PLCG2: variants seen among roughly 807,000 people sequenced by gnomAD.
PLCG2 encodes the protein 1-phosphatidylinositol 4,5-bisphosphate phosphodiesterase gamma-2.
Under a neutral mutation model 175.6 loss-of-function variants are expected in PLCG2, and 69 were observed. That is an observed-to-expected ratio of 0.39 (90% CI 0.32 to 0.48). The LOEUF (loss-of-function observed/expected upper bound fraction) is 0.48. Among genes scored for constraint, PLCG2 ranks in the 20% least tolerant of loss-of-function variants. PLCG2 has a pLI of 0.91. For missense variants in PLCG2, 1,798 were observed against 1,650.9 expected, an observed-to-expected ratio of 1.09 and a Z score of -1.54; for synonymous variants, 827 against 624.0, an observed-to-expected ratio of 1.33 and a Z score of -4.85.
At chr16:81,893,539 G>T (rs1022161577) in intron 11 of PLCG2, among the ~76,000 whole-genome samples, 170 bp from the exon 12 acceptor site, 2 of 152,238 alleles carry the variant, frequency 1.3e-5, no homozygotes, top group African/African-American at 4.8e-5. Flanking sequence ...GTGACCGTGG[G>T]ATTGTGTATT....
intron 14 of PLCG2, among the ~76,000 whole-genome samples, chr16:81,901,214 C>T (rs1909137490): frequency 6.6e-6 from 1 of 150,668 alleles, no homozygotes; most frequent in Non-Finnish European, 1.5e-5. Context: ...GTGATTGCAG[C>T]TTCCAGTTGT....
intron 2 of PLCG2, among the ~76,000 whole-genome samples, chr16:81,811,347 G>C (rs1243048748): frequency 6.6e-6 from 1 of 152,150 alleles, no homozygotes; most frequent in Non-Finnish European, 1.5e-5. Flanking sequence ...CAGTATCATC[G>C]ATAAGGGATG....
chr16:81,957,032 C>T lies in PLCG2; in HGVS notation c.3755+153C>T, dbSNP rs560797209. Among the ~76,000 whole-genome samples the T allele has an allele frequency of 2.6e-4, 40 of 152,140 alleles. No individual in the cohort carries two copies. The East Asian group carries it at 6.9e-3, about 26-fold the overall frequency. On this transcript the variant is annotated intron_variant, in intron 32 of 32. Transcript: ENST00000564138. ...GTGGCTCACAGGCCAGGCATGGTGG[C>T]TCATGCCTGTAATCCCAGCACTTTG... is the stretch of plus-strand genomic sequence containing the variant.
chr16:81,859,788 G>A lies in PLCG2; in HGVS notation c.479+625G>A, dbSNP rs774882918. On this transcript the variant is annotated intron_variant, in intron 5 of 32. Coordinates refer to ENST00000564138, the MANE Select transcript of PLCG2 (RefSeq NM_002661.5). The stretch of plus-strand genomic sequence containing the variant: ...CCTGACCTTGTGATCCGCCCACCTT[G>A]GCCTCCCAAAGTCCTGGGATTACAG... Among the ~76,000 whole-genome samples, 6 of 152,192 alleles carry A rather than the reference G, an allele frequency of 3.9e-5. No homozygotes were observed. The East Asian group carries it at 9.6e-4, about 24-fold the overall frequency.
At position 81,877,517 on chromosome 16, in the gene PLCG2, A is replaced by G. The variant is rs116859630; in HGVS notation, c.649-3393A>G. Among the ~76,000 whole-genome samples, 309 of 152,394 alleles carry G rather than the reference A, an allele frequency of 2.0e-3. 1 individual carries two copies. The highest frequency in any genetic ancestry group is 0.015 in the East Asian group (80 of 5,188). On this transcript the variant is annotated intron_variant, in intron 7 of 32. Transcript: ENST00000564138. ...TCACTGTACTGGAGGTTAAAAGTCC[A>G]AAATCCAGGTGTTGGCAGGGCCACA...
intron 2 of PLCG2, among the ~76,000 whole-genome samples, chr16:81,848,324 G>A (rs1207043425): frequency 6.6e-6 from 1 of 152,226 alleles, no homozygotes; most frequent in Non-Finnish European, 1.5e-5. Flanking sequence ...CCTGGTTGAT[G>A]AAGGCAGATG....
intron 10 of PLCG2, 64 bp downstream of exon 10, chr16:81,889,337 G>C (rs1175689935): frequency 1.0e-5 from 9 of 867,998 alleles, no homozygotes; most frequent in Non-Finnish European, 1.7e-5. Flanking sequence ...TGCTTTCTGA[G>C]GTTTATTTTC....
At chr16:81,927,464 T>C (rs1910323898) in intron 23 of PLCG2, among the ~76,000 whole-genome samples, 1 of 152,202 alleles carries the variant, frequency 6.6e-6, no homozygotes, top group African/African-American at 2.4e-5. Context: ...AATGGGGAAT[T>C]TGTCCTTTGC....
intron 31 of PLCG2, 39 bp downstream of exon 31, chr16:81,946,302 T>A: frequency 6.9e-7 from 1 of 1,451,144 alleles, no homozygotes; most frequent in Non-Finnish European, 9.7e-7. Context: ...CCCTGAGCTA[T>A]GCCTGCTGGT....
chr16:81,810,284 C>G (rs957214929), intron 2 of PLCG2, among the ~76,000 whole-genome samples: 3 of 152,218 alleles, frequency 2.0e-5, no homozygotes, highest in African/African-American at 7.2e-5. Flanking sequence ...CGTGCCCAGC[C>G]CATGCTTCTC....
chr16:81,835,366 C>T (rs921792383), intron 2 of PLCG2, among the ~76,000 whole-genome samples: 14 of 152,122 alleles, frequency 9.2e-5, no homozygotes, highest in East Asian at 7.7e-4. Context: ...GAGGCCAAAG[C>T]GGGCAGATCA....
chr16:81,893,882 A>G (rs996405420), intron 12 of PLCG2, 88 bp downstream of exon 12: 1 of 811,372 alleles, frequency 1.2e-6, no homozygotes, highest in Non-Finnish European at 2.1e-6. Flanking sequence ...CGAATTGTAA[A>G]AAGGTTTTAA....
intron 22 of PLCG2, among the ~76,000 whole-genome samples, chr16:81,924,691 A>G (rs111415571): frequency 6.6e-6 from 1 of 152,202 alleles, no homozygotes; most frequent in East Asian, 1.9e-4. Flanking sequence ...CTCATTGCAA[A>G]CCAATTCATA....
intron 12 of PLCG2, among the ~76,000 whole-genome samples, chr16:81,895,416 C>A (rs72820819): frequency 1.3e-5 from 2 of 152,178 alleles, no homozygotes; most frequent in East Asian, 3.9e-4. Flanking sequence ...AAAAATTAGC[C>A]GAGCGTGATG....
At chr16:81,777,302 C>T (rs968088326), upstream of PLCG2, among the ~76,000 whole-genome samples, 1 of 152,100 alleles carries the variant, frequency 6.6e-6, no homozygotes, top group Non-Finnish European at 1.5e-5. Context: ...TTAACCCACT[C>T]CCCTATCCAT....
intron 2 of PLCG2, among the ~76,000 whole-genome samples, chr16:81,844,549 C>G (rs1259326480): frequency 1.3e-5 from 2 of 151,962 alleles, no homozygotes. Flanking sequence ...CTCAAACTCC[C>G]AACTTCAAGT....
At chr16:81,862,760 A>G (rs940142164) in intron 5 of PLCG2, among the ~76,000 whole-genome samples, 1 of 152,084 alleles carries the variant, frequency 6.6e-6, no homozygotes, top group African/African-American at 2.4e-5. Flanking sequence ...TAGTCCTGCT[A>G]CTTGAGAGGC....
At chr16:81,890,371 G>T (rs977288451) in intron 10 of PLCG2, among the ~76,000 whole-genome samples, 3 of 152,318 alleles carry the variant, frequency 2.0e-5, no homozygotes, top group African/African-American at 7.2e-5. Context: ...CCAAGCCCAG[G>T]AATAATTAAG....
intron 14 of PLCG2, among the ~76,000 whole-genome samples, chr16:81,901,035 G>C (rs1243681849): frequency 9.9e-5 from 15 of 152,256 alleles, no homozygotes; most frequent in African/African-American, 3.1e-4. Context: ...AGCATGATGT[G>C]AGGGAAGGCG....
Sources: gnomAD v4.1 joint callset for allele counts (sites outside exome capture counted in the v4.1 genomes callset) on GRCh38, gnomAD v4.1.1 for gene constraint, MANE v1.5 for transcripts, NCBI Gene and HGNC (gene_info 2026-07-23, HGNC 2026-07-21) for gene names.